Variants in GNAI1 observed in about 807,000 individuals in gnomAD.
GNAI1 encodes guanine nucleotide-binding protein G(i) subunit alpha-1.
A neutral mutation model predicts 38.9 loss-of-function variants in GNAI1; 11 were observed. That is an observed-to-expected ratio of 0.28 (90% CI 0.18 to 0.47). GNAI1 has a LOEUF of 0.47. Ranked by LOEUF, GNAI1 falls within the 20% of genes least tolerant of loss-of-function variation. The probability of loss-of-function intolerance (pLI) is 0.99; values close to 1 mark genes in which losing one functional copy is unlikely to be tolerated. For synonymous variants in GNAI1, 166 were observed against 145.1 expected (o/e 1.14, Z -1.04); for missense variants, 317 against 436.9 (o/e 0.73, Z 2.45).
intron 1 of GNAI1, among the ~76,000 whole-genome samples, chr7:80,150,774 T>A (rs1787710460): frequency 6.6e-6 from 1 of 152,224 alleles, no homozygotes; most frequent in Admixed American, 6.5e-5. Flanking sequence ...AATTTTGGCA[T>A]GTTTTTCTGT....
In GNAI1 at chr7:80,224,917, CAT is replaced by C. The variant is rs756536917; in HGVS notation, c.*7425_*7426del. 1.1e-4 allele frequency among the ~76,000 whole-genome samples: 17 copies of C among 152,206 alleles called. No individual in the cohort carries two copies. The highest frequency in any genetic ancestry group is 4.2e-4 in the South Asian group (2 of 4,818). The stretch of plus-strand genomic sequence containing the variant: ...AATGTGGTTTTGGAAAATAGGTACT[CAT>C]GTGTCTTTGCATTATATTTGTATTT... On this transcript the variant is annotated 3_prime_UTR_variant, in exon 8 of 8. Coordinates refer to ENST00000649796, the MANE Select transcript of GNAI1 (RefSeq NM_002069.6).
At chr7:80,158,387 C>T (rs1355492508) in intron 1 of GNAI1, among the ~76,000 whole-genome samples, 1 of 152,166 alleles carries the variant, frequency 6.6e-6, no homozygotes, top group Non-Finnish European at 1.5e-5. Flanking sequence ...AAAGGTTTGG[C>T]TGAGTCCCTA....
chr7:80,189,178 A>G lies in GNAI1; in HGVS notation c.250A>G (p.Ile84Val), dbSNP rs1472132546. ...YSNTIQSIIA[I>V]IRAMGRLKID... is the part of the protein sequence containing the mutation. ...TAACACCATCCAGTCAATTATTGCT[A>G]TCATTAGGGCTATGGGGAGGTTGAA... The change falls in exon 3 of 8, where the codon ATC becomes GTC. Residue 84 changes from isoleucine (I) to valine (V), a missense_variant. Physicochemically the swap from Ile to Val is conservative, Grantham distance 29. Transcript: ENST00000649796. The G allele has an allele frequency of 2.2e-5, 35 of 1,606,974 alleles. No individual in the cohort carries two copies. Among genetic ancestry groups the G allele is most frequent in the Non-Finnish European group, 2.9e-5 (34 of 1,177,928 alleles).
chr7:80,140,613 C>G (rs1162015568), intron 1 of GNAI1, among the ~76,000 whole-genome samples: 4 of 152,118 alleles, frequency 2.6e-5, no homozygotes, highest in Admixed American at 1.3e-4. Context: ...AGTTCAGATC[C>G]CAGACTCCAT....
intron 3 of GNAI1, among the ~76,000 whole-genome samples, chr7:80,198,741 C>T (rs1162074810): frequency 1.3e-5 from 2 of 152,146 alleles, no homozygotes; most frequent in Non-Finnish European, 2.9e-5. Context: ...TTGATTTCTC[C>T]CTTCTCTGAA....
At chr7:80,138,574 C>T (rs1337890333) in intron 1 of GNAI1, among the ~76,000 whole-genome samples, 3 of 152,046 alleles carry the variant, frequency 2.0e-5, no homozygotes, top group Non-Finnish European at 1.5e-5. Flanking sequence ...TTTAATTTAT[C>T]ATCCTTTTAA....
At position 80,223,102 on chromosome 7, in the gene GNAI1, C is replaced by G. The variant is rs1166565696; in HGVS notation, c.*5609C>G. ...ATATGGTTTCTAACTGAATGCATACCAGTTTCGCACCAATGTAAAGTTGAA... is the reference window on the plus strand; with the variant it reads ...ATATGGTTTCTAACTGAATGCATACGAGTTTCGCACCAATGTAAAGTTGAA... On this transcript the variant is annotated 3_prime_UTR_variant, in exon 8 of 8. Transcript: ENST00000649796. Among the ~76,000 whole-genome samples, 1 of 152,146 alleles carries G rather than the reference C, an allele frequency of 6.6e-6. No individual in the cohort carries two copies. The highest frequency in any genetic ancestry group is 1.5e-5 in the Non-Finnish European group (1 of 68,028).
intron 1 of GNAI1, among the ~76,000 whole-genome samples, chr7:80,183,139 A>G: frequency 6.6e-6 from 1 of 152,200 alleles, no homozygotes; most frequent in Non-Finnish European, 1.5e-5. Context: ...TCAAAAGAAT[A>G]TATTATATAC....
At chr7:80,145,328 A>C (rs1399443851) in intron 1 of GNAI1, among the ~76,000 whole-genome samples, 1 of 152,190 alleles carries the variant, frequency 6.6e-6, no homozygotes, top group Non-Finnish European at 1.5e-5. Flanking sequence ...ATAGGCAGTC[A>C]TGTAACCATA....
chr7:80,177,759 C>T (rs1223011012), intron 1 of GNAI1, among the ~76,000 whole-genome samples: 2 of 152,170 alleles, frequency 1.3e-5, no homozygotes, highest in Non-Finnish European at 2.9e-5. Flanking sequence ...TAGGTTTGAG[C>T]CACTGTGCCC....
intron 1 of GNAI1, among the ~76,000 whole-genome samples, chr7:80,180,169 A>G (rs1340446099): frequency 1.3e-5 from 2 of 152,196 alleles, no homozygotes. Context: ...AGCTTTAGAC[A>G]AAGCAGTATA....
rs770085580 is a variant in GNAI1, at chr7:80,189,147, C to G, written c.219C>G (p.Val73=). Residue 73 remains valine, a synonymous_variant, in exon 3 of 8, where the codon GTC becomes GTG. Coordinates refer to ENST00000649796, the MANE Select transcript of GNAI1 (RefSeq NM_002069.6). ...EEECKQYKAV[V]YSNTIQSIIA... ...AGTGTAAACAATACAAAGCAGTGGT[C>G]TACAGTAACACCATCCAGTCAATTA... The G allele has an allele frequency of 6.2e-7, 1 of 1,606,018 alleles. No individual in the cohort carries two copies. The highest frequency in any genetic ancestry group is 8.5e-7 in the Non-Finnish European group (1 of 1,176,196).
At chr7:80,158,613 A>T (rs566520184) in intron 1 of GNAI1, among the ~76,000 whole-genome samples, 1 of 152,236 alleles carries the variant, frequency 6.6e-6, no homozygotes, top group East Asian at 1.9e-4. Flanking sequence ...TCCTGCCATG[A>T]TTGTAAGTTT....
intron 1 of GNAI1, among the ~76,000 whole-genome samples, chr7:80,169,281 T>G (rs1788063121): frequency 6.6e-6 from 1 of 152,210 alleles, no homozygotes; most frequent in South Asian, 2.1e-4. Flanking sequence ...GCCTAAAACC[T>G]TTTAACGTTT....
At position 80,135,277 on chromosome 7, in the gene GNAI1, C is replaced by A. The variant is rs372783127; in HGVS notation, c.117C>A (p.Leu39=). ...KAAREVKLLL[L]GAGESGKSTI... is the part of the protein sequence containing the mutation. ...CGCGCGAGGTCAAGCTGCTGCTGCTCGGTAAGGGCGGCCGGGTCGGGGCCC... is the reference window on the plus strand; with the variant it reads ...CGCGCGAGGTCAAGCTGCTGCTGCTAGGTAAGGGCGGCCGGGTCGGGGCCC... The change falls in exon 1 of 8, where the codon CTC becomes CTA. Residue 39 remains leucine, a splice_region_variant and synonymous_variant. Transcript: ENST00000649796. The A allele has an allele frequency of 2.0e-6, 3 of 1,472,068 alleles. No homozygotes were observed. Among genetic ancestry groups the A allele is most frequent in the African/African-American group, 1.5e-5 (1 of 68,548 alleles). The allele number at this position is 1,472,068 out of a possible 1,614,324, so 91.2% of individuals were successfully genotyped here. A position where few individuals can be genotyped will look rare whatever the true frequency, so the allele number is the denominator to read the frequency against.
intron 1 of GNAI1, among the ~76,000 whole-genome samples, chr7:80,182,835 TCAAAG>T (rs1788318963): frequency 1.3e-5 from 2 of 152,202 alleles, no homozygotes; most frequent in African/African-American, 4.8e-5. Context: ...TAAGAAGACT[TCAAAG>T]CACCTTTGTC....
chr7:80,217,238 A>AGTTTCATATGTCTGAAACTGAT, intron 7 of GNAI1, 65 bp from the exon 8 acceptor site: 1 of 323,780 alleles, frequency 3.1e-6, no homozygotes, highest in Non-Finnish European at 4.5e-6. Context: ...ATGAAACTGA[A>AGTTTCATATGTCTGAAACTGAT]TTCAGTATTT....
intron 1 of GNAI1, among the ~76,000 whole-genome samples, chr7:80,181,837 A>G (rs1484329643): frequency 6.6e-6 from 1 of 152,216 alleles, no homozygotes; most frequent in East Asian, 1.9e-4. Flanking sequence ...TAATTAAGTC[A>G]GGCTAATTAA....
At chr7:80,168,680 G>A (rs1012237173) in intron 1 of GNAI1, among the ~76,000 whole-genome samples, 4 of 152,154 alleles carry the variant, frequency 2.6e-5, no homozygotes, top group African/African-American at 7.2e-5. Flanking sequence ...ACCGCGCCTG[G>A]CCAATTATTT....
Sources: allele counts gnomAD v4.1 joint callset (sites outside exome capture counted in the v4.1 genomes callset), GRCh38; gene constraint gnomAD v4.1.1; transcripts MANE v1.5; gene names NCBI Gene and HGNC (gene_info 2026-07-23, HGNC 2026-07-21).